RBFOX3: variants seen among roughly 807,000 people sequenced by gnomAD.
The protein encoded by RBFOX3 is RNA binding protein fox-1 homolog 3.
In RBFOX3, 17 loss-of-function variants were observed where a neutral mutation model predicts 48.7. That is an observed-to-expected ratio of 0.35 (90% CI 0.24 to 0.52). The LOEUF (loss-of-function observed/expected upper bound fraction) is 0.52. Ranked by LOEUF, RBFOX3 falls within the 20% of genes least tolerant of loss-of-function variation. RBFOX3 has a pLI of 0.94. For missense variants in RBFOX3, 382 were observed against 497.5 expected (o/e 0.77, Z 2.21); for synonymous variants, 212 against 209.5 (o/e 1.01, Z -0.10).
rs2062665494 is a variant in RBFOX3 at position 79,243,293 on chromosome 17, G to A, written c.-73-7488C>T. On this transcript the variant is annotated intron_variant, in intron 3 of 14. Transcript: ENST00000693108. The surrounding 1 kb of genome is among the most constrained non-coding windows in gnomAD (Gnocchi z 7.9). The stretch of plus-strand genomic sequence containing the variant: ...GATAAACCCTGGAGTGTCAGAGTGA[G>A]CAGGGGGCAAACCAACGTGGCCCCA... Among the ~76,000 whole-genome samples, 1 of 152,102 alleles carries A rather than the reference G, an allele frequency of 6.6e-6. No individual in the cohort carries two copies. The highest frequency in any genetic ancestry group is 2.4e-5 in the African/African-American group (1 of 41,418).
chr17:79,215,294 C>T (rs2058892834), intron 4 of RBFOX3, among the ~76,000 whole-genome samples: 1 of 152,224 alleles, frequency 6.6e-6, no homozygotes, highest in Admixed American at 6.5e-5. Context: ...AGGTCCTCCG[C>T]TCTGGGCTGC....
At chr17:79,475,874 G>C (rs2077664775) in intron 2 of RBFOX3, among the ~76,000 whole-genome samples, 1 of 152,232 alleles carries the variant, frequency 6.6e-6, no homozygotes, top group South Asian at 2.1e-4. Flanking sequence ...GTTTCTCCCT[G>C]AGAAGCAACC....
intron 2 of RBFOX3, among the ~76,000 whole-genome samples, chr17:79,419,106 CATG>C (rs1245346502): frequency 1.3e-5 from 2 of 152,132 alleles, no homozygotes; most frequent in Non-Finnish European, 2.9e-5. Flanking sequence ...AGCAATTATC[CATG>C]ATTTCATTTT....
chr17:79,119,030 G>C (rs141660919), intron 4 of RBFOX3, among the ~76,000 whole-genome samples: 57 of 150,890 alleles, frequency 3.8e-4, no homozygotes, highest in African/African-American at 1.3e-3. Context: ...CGCAGCTCCT[G>C]TCCCATCTGC....
chr17:79,417,477 ACATG>A (rs1385029512), intron 2 of RBFOX3, among the ~76,000 whole-genome samples: 4 of 152,188 alleles, frequency 2.6e-5, no homozygotes, highest in African/African-American at 7.2e-5. Context: ...TCTCAGAGGA[ACATG>A]CCCAACCAGG....
At chr17:79,276,074 C>T (rs1035292265) in intron 3 of RBFOX3, among the ~76,000 whole-genome samples, 21 of 152,254 alleles carry the variant, frequency 1.4e-4, no homozygotes, top group Middle Eastern at 3.4e-3. Flanking sequence ...CATGCTGCAC[C>T]GTGGATGAAC....
intron 14 of RBFOX3, among the ~76,000 whole-genome samples, chr17:79,093,369 G>GT (rs1164771478): frequency 6.6e-6 from 1 of 151,318 alleles, no homozygotes; most frequent in Non-Finnish European, 1.5e-5. Flanking sequence ...AAAATACAAA[G>GT]TGAAAACACA....
chr17:79,627,241 A>T, the RBFOX3 span, among the ~76,000 whole-genome samples: 1 of 152,144 alleles, frequency 6.6e-6, no homozygotes, highest in Non-Finnish European at 1.5e-5. Flanking sequence ...GACTTTGACC[A>T]GTGCCTCCAC....
At chr17:79,463,609 C>T (rs529229107) in intron 2 of RBFOX3, among the ~76,000 whole-genome samples, 2 of 146,790 alleles carry the variant, frequency 1.4e-5, no homozygotes, top group African/African-American at 5.1e-5. Flanking sequence ...CCATCGCCAC[C>T]TCCACCGCCA....
intron 2 of RBFOX3, among the ~76,000 whole-genome samples, chr17:79,397,212 G>T (rs2062102510): frequency 6.6e-6 from 1 of 152,180 alleles, no homozygotes; most frequent in Non-Finnish European, 1.5e-5. Context: ...GCTGGGCGCA[G>T]TGGCTCACGC....
At chr17:79,413,626 A>G (rs913829161) in intron 2 of RBFOX3, among the ~76,000 whole-genome samples, 1 of 152,216 alleles carries the variant, frequency 6.6e-6, no homozygotes, top group South Asian at 2.1e-4. Flanking sequence ...CTCTGGGCAC[A>G]GGCAGCGTTG....
chr17:79,328,393 A>G (rs1289781629), intron 2 of RBFOX3, among the ~76,000 whole-genome samples: 4 of 152,228 alleles, frequency 2.6e-5, no homozygotes, highest in African/African-American at 9.6e-5. Context: ...CCCTGGCCAC[A>G]ATCTGTGGCT....
chr17:79,356,381 T>TGTTTTTTTG (rs1598370790), intron 2 of RBFOX3, among the ~76,000 whole-genome samples: 1 of 117,852 alleles, frequency 8.5e-6, no homozygotes, highest in African/African-American at 3.7e-5. Context: ...TTTTTTTTTT[T>TGTTTTTTTG]TTTTTGAGGA....
chr17:79,663,364 T>C, the RBFOX3 span, among the ~76,000 whole-genome samples: 3 of 152,360 alleles, frequency 2.0e-5, no homozygotes, highest in Non-Finnish European at 4.4e-5. Flanking sequence ...TTTCAGACTC[T>C]TAATGCAGCC....
chr17:79,554,957 T>A (rs2091503124), intron 1 of RBFOX3, among the ~76,000 whole-genome samples: 1 of 151,994 alleles, frequency 6.6e-6, no homozygotes, highest in Non-Finnish European at 1.5e-5. Context: ...CATGAACAGC[T>A]AAAATGTACA....
At chr17:79,274,278 A>C (rs2068303009) in intron 3 of RBFOX3, among the ~76,000 whole-genome samples, 1 of 152,048 alleles carries the variant, frequency 6.6e-6, no homozygotes. Flanking sequence ...TGCCCCTGTA[A>C]CCTGGCAGGA....
rs555231797 is a variant in RBFOX3, at chr17:79,089,720, GTGCTCCCTGCCTCGCCAGGGGT to G, written c.*1141_*1162del. 1 of 152,774 alleles carries G rather than the reference GTGCTCCCTGCCTCGCCAGGGGT, an allele frequency of 6.5e-6. No homozygotes were observed. Among genetic ancestry groups the G allele is most frequent in the South Asian group, 2.1e-4 (1 of 4,828 alleles). 9.5% of individuals were successfully genotyped at this position (152,774 alleles called of 1,614,324 possible). A position where few individuals can be genotyped will look rare whatever the true frequency, so the allele number is the denominator to read the frequency against. ...TATTTTTTGCTGCTTCCCTACTTCA[GTGCTCCCTGCCTCGCCAGGGGT>G]TCCTCCCTGCCACCTGCTCTGCTCC... is the stretch of plus-strand genomic sequence containing the variant. On this transcript the variant is annotated 3_prime_UTR_variant, in exon 15 of 15. Transcript: ENST00000693108.
intron 2 of RBFOX3, among the ~76,000 whole-genome samples, chr17:79,359,907 G>C (rs2085966372): frequency 6.6e-6 from 1 of 152,048 alleles, no homozygotes; most frequent in Admixed American, 6.6e-5. Context: ...TGTATTATTT[G>C]TAGACAGGGG....
chr17:79,533,619 G>A (rs868911605), intron 1 of RBFOX3, among the ~76,000 whole-genome samples: 2 of 152,222 alleles, frequency 1.3e-5, no homozygotes, highest in South Asian at 2.1e-4. Flanking sequence ...GATACCCCGC[G>A]ATGGGGAAGG....
Sources: gnomAD v4.1 joint callset for allele counts (sites outside exome capture counted in the v4.1 genomes callset) on GRCh38, gnomAD v4.1.1 for gene constraint, Gnocchi (gnomAD v3.1) non-coding constraint, MANE v1.5 for transcripts, NCBI Gene and HGNC (gene_info 2026-07-23, HGNC 2026-07-21) for gene names.